NDUFA10: variants seen among roughly 807,000 people sequenced by gnomAD.
The protein encoded by NDUFA10 is NADH:ubiquinone oxidoreductase subunit A10.
A neutral mutation model predicts 47.8 loss-of-function variants in NDUFA10; 40 were observed. The ratio of observed to expected loss-of-function variants is 0.84; its 90% confidence interval spans 0.65 to 1.09. The LOEUF (loss-of-function observed/expected upper bound fraction) is 1.09. Ranked by LOEUF, NDUFA10 falls within the 50% of genes least tolerant of loss-of-function variation. The probability of loss-of-function intolerance (pLI) is 0.00; values close to 1 mark genes in which losing one functional copy is unlikely to be tolerated. For missense variants in NDUFA10, 413 were observed against 451.1 expected, an observed-to-expected ratio of 0.92 and a Z score of 0.76; for synonymous variants, 183 against 172.2, an observed-to-expected ratio of 1.06 and a Z score of -0.49.
At chr2:239,967,339 G>A (rs998291297) in intron 9 of NDUFA10, among the ~76,000 whole-genome samples, 3 of 152,100 alleles carry the variant, frequency 2.0e-5, no homozygotes, top group African/African-American at 7.2e-5. Flanking sequence ...ATCAAATCTC[G>A]CCGCTGACTG....
intron 4 of NDUFA10, among the ~76,000 whole-genome samples, chr2:239,941,386 T>A (rs1425043433): frequency 6.6e-6 from 1 of 152,106 alleles, no homozygotes; most frequent in Non-Finnish European, 1.5e-5. Flanking sequence ...GGCACAGAAC[T>A]GCGGCTGTTC....
At chr2:240,002,330 CAAAAAAAA>C (rs61475593) in intron 8 of NDUFA10, among the ~76,000 whole-genome samples, 1 of 83,746 alleles carries the variant, frequency 1.2e-5, no homozygotes, top group African/African-American at 5.7e-5. Flanking sequence ...AACTCTGACT[CAAAAAAAA>C]AAAAAAAAAA....
intron 9 of NDUFA10, among the ~76,000 whole-genome samples, chr2:239,988,098 T>C (rs1190180352): frequency 6.6e-6 from 1 of 152,054 alleles, no homozygotes; most frequent in Non-Finnish European, 1.5e-5. Flanking sequence ...CAGATAAATA[T>C]CCTAAATATT....
Position 239,959,073 on chromosome 2 carries a change from T to C in NDUFA10, c.*2045A>G, listed in dbSNP as rs748477582. ...AGAAGAATTGGACAGTGTTTATTCA[T>C]CTTTCTCTGCTGAACATGCATGTCA... On this transcript the variant is annotated 3_prime_UTR_variant, in exon 10 of 10. Coordinates refer to ENST00000252711, the MANE Select transcript of NDUFA10 (RefSeq NM_004544.4). 1.0e-6 allele frequency: 1 copy of C among 985,372 alleles called. No homozygotes were observed. The highest frequency in any genetic ancestry group is 1.2e-6 in the Non-Finnish European group (1 of 829,956). The allele number at this position is 985,372 out of a possible 1,614,324, so 61.0% of individuals were successfully genotyped here.
intron 4 of NDUFA10, among the ~76,000 whole-genome samples, chr2:240,015,213 G>A (rs1325489129): frequency 1.3e-5 from 2 of 152,216 alleles, no homozygotes; most frequent in African/African-American, 2.4e-5. Flanking sequence ...CATCCTAAAA[G>A]ACAGATCTTT....
intron 4 of NDUFA10, among the ~76,000 whole-genome samples, chr2:240,015,283 G>A (rs559694247): frequency 4.6e-5 from 7 of 152,216 alleles, no homozygotes; most frequent in African/African-American, 1.2e-4. Context: ...CGTAGGTCAC[G>A]CAAGATGGAG....
At chr2:239,967,979 T>TATACAC (rs373936883) in intron 9 of NDUFA10, among the ~76,000 whole-genome samples, 50 of 147,586 alleles carry the variant, frequency 3.4e-4, no homozygotes, top group African/African-American at 1.2e-3. Flanking sequence ...GAAAAAAATA[T>TATACAC]ACACACACAC....
At chr2:239,911,017 G>A (rs1273579388) in intron 4 of NDUFA10, among the ~76,000 whole-genome samples, 2 of 152,176 alleles carry the variant, frequency 1.3e-5, no homozygotes, top group Admixed American at 6.5e-5. Flanking sequence ...TGTTTCCCCA[G>A]AGCACCTCCA....
chr2:240,014,759 G>A lies in NDUFA10; in HGVS notation c.649C>T (p.Arg217Trp), dbSNP rs772403782. ...IDVPVPEVQR[R>W]IQKKGDPHEM... Reference sequence around the variant, plus strand: ...ATTACATCTCCTTTCTTCTGAATCCGCCTCTGGACCTCTGGAACGGGCACA... The same window carrying A: ...ATTACATCTCCTTTCTTCTGAATCCACCTCTGGACCTCTGGAACGGGCACA... The change falls in exon 5 of 10, where the codon CGG (arginine) becomes TGG (tryptophan). Residue 217 changes from arginine (R) to tryptophan (W), a missense_variant. Arg to Trp is a moderately radical substitution (Grantham distance 101). Transcript: ENST00000252711. 1.3e-5 allele frequency: 21 copies of A among 1,614,002 alleles called. No homozygotes were observed. In the East Asian group the frequency reaches 3.3e-4, roughly 26 times the overall value.
chr2:240,022,201 T>C lies in NDUFA10; in HGVS notation c.215A>G (p.Lys72Arg), dbSNP rs863224080. The C allele has an allele frequency of 3.1e-6, 5 of 1,613,930 alleles. No individual in the cohort carries two copies. Among genetic ancestry groups the C allele is most frequent in the Admixed American group, 1.7e-5 (1 of 60,028 alleles). ...TTTCTCTGCTATTTCTTTTGCAAGT[T>C]TGCCTTTTCCAGTACATATATTGCC... Reference protein sequence around the residue: ...VDGNICTGKGKLAKEIAEKLG... With the variant: ...VDGNICTGKGRLAKEIAEKLG... The change falls in exon 2 of 10, where the codon AAA (lysine) becomes AGA (arginine). Residue 72 changes from lysine to arginine, a missense_variant. Transcript: ENST00000252711.
chr2:239,899,142 G>A (rs145417637), intron 4 of NDUFA10, among the ~76,000 whole-genome samples: 18 of 5,880 alleles, frequency 3.1e-3, no homozygotes, highest in East Asian at 8.8e-3. Flanking sequence ...TGTGATGGAG[G>A]GGTGTGATGG....
chr2:239,914,141 ACACAGAGAT>A (rs1693799549), intron 4 of NDUFA10, among the ~76,000 whole-genome samples: 1 of 151,976 alleles, frequency 6.6e-6, no homozygotes, highest in Admixed American at 6.6e-5. Flanking sequence ...ACAGATACAC[ACACAGAGAT>A]ACACAGAGAT....
At chr2:239,946,141 C>T (rs1033523647) in intron 4 of NDUFA10, among the ~76,000 whole-genome samples, 3 of 152,146 alleles carry the variant, frequency 2.0e-5, no homozygotes, top group African/African-American at 7.2e-5. Flanking sequence ...TTCTCGAAGT[C>T]GAGGAAGGAT....
At chr2:239,980,960 T>G (rs1221179674) in intron 9 of NDUFA10, among the ~76,000 whole-genome samples, 1 of 152,102 alleles carries the variant, frequency 6.6e-6, no homozygotes, top group Non-Finnish European at 1.5e-5. Flanking sequence ...AACCAGAGCT[T>G]CTCTCCACAC....
intron 8 of NDUFA10, among the ~76,000 whole-genome samples, chr2:240,002,847 T>C (rs1000714102): frequency 6.6e-6 from 1 of 152,182 alleles, no homozygotes; most frequent in Non-Finnish European, 1.5e-5. Context: ...ACTAAAAACA[T>C]CAAACAGAAG....
chr2:239,900,277 T>A (rs7583028), intron 4 of NDUFA10, among the ~76,000 whole-genome samples: 2 of 127,360 alleles, frequency 1.6e-5, no homozygotes, highest in African/African-American at 3.0e-5. Context: ...CTTCACCTTG[T>A]GATCGTGTGA....
chr2:239,964,163 C>T (rs994357435), intron 9 of NDUFA10, among the ~76,000 whole-genome samples: 1 of 152,110 alleles, frequency 6.6e-6, no homozygotes, highest in Non-Finnish European at 1.5e-5. Flanking sequence ...CCTCCAGAAC[C>T]TGTGAACACA....
chr2:239,937,033 C>A (rs1009425449), intron 4 of NDUFA10, among the ~76,000 whole-genome samples: 1 of 152,192 alleles, frequency 6.6e-6, no homozygotes, highest in African/African-American at 2.4e-5. Context: ...GCCCTCCCCT[C>A]GTGTGTCCAT....
rs34205278 is a variant in NDUFA10, at chr2:239,926,615, T to TAA, written c.295-31303_295-31302dup. Among the ~76,000 whole-genome samples, 103 of 151,142 alleles carry TAA rather than the reference T, an allele frequency of 6.8e-4. 2 individuals carry two copies. The highest frequency in any genetic ancestry group is 2.0e-3 in the African/African-American group (84 of 41,166). On this transcript the variant is annotated intron_variant, in intron 4 of 5. Transcript: ENST00000419408. ...TTTTGGAGTGTACTCCTCCTACTTATAAAAAAAAATAGATACCTGTAAAAC... is the reference window on the plus strand; with the variant it reads ...TTTTGGAGTGTACTCCTCCTACTTATAAAAAAAAAAATAGATACCTGTAAAAC...
Sources: gnomAD v4.1 joint callset for allele counts (sites outside exome capture counted in the v4.1 genomes callset) on GRCh38, gnomAD v4.1.1 for gene constraint, MANE v1.5 for transcripts, NCBI Gene and HGNC (gene_info 2026-07-23, HGNC 2026-07-21) for gene names.